Variants in DEPDC4 observed in about 807,000 individuals in gnomAD.
The protein encoded by DEPDC4 is DEP domain containing 4.
A neutral mutation model predicts 52.0 loss-of-function variants in DEPDC4; 52 were observed. The observed-to-expected ratio is 1.00, with a 90% CI of 0.80 to 1.26. The LOEUF is 1.26. Among genes scored for constraint, DEPDC4 ranks in the 50% most tolerant of loss-of-function variants. DEPDC4 has a pLI of 0.00. For missense variants in DEPDC4, 530 were observed against 546.9 expected, an observed-to-expected ratio of 0.97 and a Z score of 0.31; for synonymous variants, 201 against 196.8, an observed-to-expected ratio of 1.02 and a Z score of -0.18.
rs776914845 is a variant in DEPDC4 at position 100,256,256 on chromosome 12, G to C, written c.701-30C>G. ...AAAAGGAAAGTAATGCAATGATCAA[G>C]ATTGGTAAATAAAACATACACATTC... On this transcript the variant is annotated intron_variant, in intron 3 of 9. Transcript: ENST00000550587. The C allele has an allele frequency of 3.3e-6, 5 of 1,522,562 alleles. No homozygotes were observed. The Admixed American group carries it at 9.2e-5, about 28-fold the overall frequency. 94.3% of individuals were successfully genotyped at this position (1,522,562 alleles called of 1,614,324 possible).
At chr12:100,245,565 G>A (rs2096181662) in intron 8 of DEPDC4, among the ~76,000 whole-genome samples, 2 of 152,192 alleles carry the variant, frequency 1.3e-5, no homozygotes, top group African/African-American at 2.4e-5. Flanking sequence ...GCATCCCGCC[G>A]AGTCACTTTT....
the DEPDC4 span, among the ~76,000 whole-genome samples, chr12:100,274,815 A>G: frequency 6.6e-6 from 1 of 152,238 alleles, no homozygotes; most frequent in Non-Finnish European, 1.5e-5. Flanking sequence ...GACAATTTGG[A>G]GAGCGATAGG....
chr12:100,281,561 CT>C, the DEPDC4 span, among the ~76,000 whole-genome samples: 2 of 152,016 alleles, frequency 1.3e-5, no homozygotes, highest in African/African-American at 4.8e-5. Flanking sequence ...AGGCTGGGCG[CT>C]TTGGCTCACG....
In DEPDC4 at chr12:100,263,566, C is replaced by A. The variant is rs1282839309; in HGVS notation, c.485G>T (p.Gly162Val). 6.2e-7 allele frequency: 1 copy of A among 1,610,968 alleles called. No homozygotes were observed. The highest frequency in any genetic ancestry group is 2.2e-5 in the East Asian group (1 of 44,866). Reference protein sequence around the residue: ...DSNISLYRFLGNKSSYDCCKR... With the variant: ...DSNISLYRFLVNKSSYDCCKR... The stretch of plus-strand genomic sequence containing the variant: ...GCAACAATCGTAAGATGATTTATTG[C>A]CTAGAAACCTGTAGAGACTAATGTT... Residue 162 changes from glycine (G) to valine (V), a missense_variant, in exon 2 of 10, where the codon GGC (glycine) becomes GTC (valine). By Grantham distance (109) the Gly-to-Val change is moderately radical. Transcript: ENST00000550587.
the DEPDC4 span, among the ~76,000 whole-genome samples, chr12:100,276,672 T>C: frequency 2.0e-5 from 3 of 152,192 alleles, no homozygotes; most frequent in Non-Finnish European, 4.4e-5. Context: ...AGAGTTTTAC[T>C]GATTTCATTG....
In DEPDC4 at chr12:100,263,859, C is replaced by T. The variant is rs1348213578; in HGVS notation, c.192G>A (p.Trp64Ter). The T allele has an allele frequency of 2.2e-5, 35 of 1,612,350 alleles. No homozygotes were observed. The highest frequency in any genetic ancestry group is 3.0e-5 in the Non-Finnish European group (35 of 1,179,248). ...CSGPFQATQL[W>*]DGIIHSLQAQ... ...CCTGAAGAGAGTGAATAATACCATC[C>T]CATAGCTGAGTAGCTTGAAAAGGAC... is the stretch of plus-strand genomic sequence containing the variant. The change falls in exon 2 of 10, where the codon TGG becomes TGA. Residue 64 changes from tryptophan (W) to a stop codon, truncating the protein, a stop_gained. Coordinates refer to ENST00000550587, the MANE Select transcript of DEPDC4 (RefSeq NM_001364818.2). LOFTEE classifies it high-confidence loss of function.
chr12:100,266,823 GGCCCTGGACCA>G, intron 1 of DEPDC4, 86 bp downstream of exon 1: 1 of 1,439,510 alleles, frequency 6.9e-7, no homozygotes. Flanking sequence ...AAATGGGCGG[GGCCCTGGACCA>G]ATGAGGAGCA....
intron 3 of DEPDC4, among the ~76,000 whole-genome samples, chr12:100,256,676 T>C (rs1056225790): frequency 1.3e-5 from 2 of 151,312 alleles, no homozygotes; most frequent in Admixed American, 1.3e-4. Flanking sequence ...GAGTCTCGCT[T>C]TGTTGCCCAG....
At chr12:100,275,539 A>G in the DEPDC4 span, among the ~76,000 whole-genome samples, 1 of 152,196 alleles carries the variant, frequency 6.6e-6, no homozygotes, top group African/African-American at 2.4e-5. Flanking sequence ...GTATTCTACT[A>G]TATTGCCAAA....
At chr12:100,242,448 T>A (rs1484406001) in intron 9 of DEPDC4, 38 bp downstream of exon 9, 1 of 152,742 alleles carries the variant, frequency 6.5e-6, no homozygotes, top group Non-Finnish European at 1.5e-5. Context: ...GAATCTACAT[T>A]TTTCAAATAA....
the DEPDC4 span, among the ~76,000 whole-genome samples, chr12:100,272,147 A>C: frequency 5.8e-3 from 877 of 152,312 alleles, 6 homozygotes; most frequent in South Asian, 0.034. Flanking sequence ...ATTTTGGCTG[A>C]AATTTAGGAA....
At chr12:100,270,566 G>T (rs950502379), upstream of DEPDC4, among the ~76,000 whole-genome samples, 2 of 147,016 alleles carry the variant, frequency 1.4e-5, no homozygotes, top group Admixed American at 6.8e-5. Flanking sequence ...CTTACTTATT[G>T]TTTAAATTAC....
chr12:100,281,398 C>T, the DEPDC4 span, among the ~76,000 whole-genome samples: 1 of 151,772 alleles, frequency 6.6e-6, no homozygotes, highest in Non-Finnish European at 1.5e-5. Context: ...TATAAAATAC[C>T]AATTTGGGCT....
Position 100,263,174 on chromosome 12 carries a change from C to T in DEPDC4, c.554+323G>A, listed in dbSNP as rs530688065. On this transcript the variant is annotated intron_variant, in intron 2 of 9. Transcript: ENST00000550587. Reference sequence around the variant, plus strand: ...ACGAGGTTTTGCTATAATGGCCAGGCTGGTTTCGAACTCCTGATCTCAAGT... The same window carrying T: ...ACGAGGTTTTGCTATAATGGCCAGGTTGGTTTCGAACTCCTGATCTCAAGT... Among the ~76,000 whole-genome samples, 261 of 152,270 alleles carry T rather than the reference C, an allele frequency of 1.7e-3. 1 individual carries two copies. The highest frequency in any genetic ancestry group is 3.9e-3 in the South Asian group (19 of 4,830).
Position 100,240,890 on chromosome 12 carries a change from TA to T in DEPDC4, c.*1001del, listed in dbSNP as rs1282860386. 1.3e-5 allele frequency among the ~76,000 whole-genome samples: 2 copies of T among 152,012 alleles called. No homozygotes were observed. The highest frequency in any genetic ancestry group is 2.9e-5 in the Non-Finnish European group (2 of 68,004). ...CAACATGGCGAAACACTGTCTCTACTAAAACTACAAAAATTAGCCGGGCATA... is the reference window on the plus strand; with the variant it reads ...CAACATGGCGAAACACTGTCTCTACTAAACTACAAAAATTAGCCGGGCATA... On this transcript the variant is annotated 3_prime_UTR_variant, in exon 10 of 10. Transcript: ENST00000550587.
intron 4 of DEPDC4, among the ~76,000 whole-genome samples, chr12:100,255,318 C>T (rs577290906): frequency 5.3e-5 from 8 of 152,262 alleles, no homozygotes; most frequent in Admixed American, 1.3e-4. Flanking sequence ...TGGCCTACTG[C>T]GAATAAGAGA....
Position 100,253,697 on chromosome 12 carries a change from AT to A in DEPDC4, c.896del (p.Asn299MetfsTer14). 1.6e-6 allele frequency: 2 copies of A among 1,289,056 alleles called. No homozygotes were observed. The highest frequency in any genetic ancestry group is 2.0e-6 in the Non-Finnish European group (2 of 988,574). 79.9% of individuals were successfully genotyped at this position (1,289,056 alleles called of 1,614,324 possible). A position where few individuals can be genotyped will look rare whatever the true frequency, so the allele number is the denominator to read the frequency against. On this transcript the variant is annotated frameshift_variant, in exon 5 of 10. Transcript: ENST00000550587. LOFTEE classifies it high-confidence loss of function. ...LCLPEIDNWL[N>X]AAIECLEYFP... ...AATACTCCAAGCATTCAATTGCTGC[AT>A]TAAGCCAGTTATCGATTCTAGAGGG...
rs2153924812 is a variant in DEPDC4, at chr12:100,263,872, G to A, written c.179C>T (p.Ala60Val). 6.2e-7 allele frequency: 1 copy of A among 1,607,892 alleles called. No homozygotes were observed. The highest frequency in any genetic ancestry group is 8.5e-7 in the Non-Finnish European group (1 of 1,176,654). ...RRTGCSGPFQ[A>V]TQLWDGIIHS... ...AATAATACCATCCCATAGCTGAGTA[G>A]CTTGAAAAGGACCAGAGCATCCTGA... Residue 60 changes from alanine to valine, a missense_variant, in exon 2 of 10, where the codon GCT (alanine) becomes GTT (valine). Transcript: ENST00000550587.
chr12:100,267,170 G>T, upstream of DEPDC4: 1 of 1,343,984 alleles, frequency 7.4e-7, no homozygotes, highest in Non-Finnish European at 1.0e-6. Context: ...CGGCCGGCAG[G>T]TCTTTTAGTC....
Sources: gnomAD v4.1 joint callset for allele counts (sites outside exome capture counted in the v4.1 genomes callset) on GRCh38, gnomAD v4.1.1 for gene constraint, MANE v1.5 for transcripts, NCBI Gene and HGNC (gene_info 2026-07-23, HGNC 2026-07-21) for gene names.